LYPLAL1: variants seen among roughly 807,000 people sequenced by gnomAD.
LYPLAL1 encodes the protein lysophospholipase like 1.
LYPLAL1 carries 23 observed loss-of-function variants against 19.7 expected under a neutral mutation model. The ratio of observed to expected loss-of-function variants is 1.17; its 90% CI spans 0.84 to 1.65. The LOEUF is 1.65. Among genes scored for constraint, LYPLAL1 ranks in the 40% most tolerant of loss-of-function variants. The probability of loss-of-function intolerance (pLI) is 0.00; values close to 1 mark genes in which losing one functional copy is unlikely to be tolerated. For synonymous variants in LYPLAL1, 119 were observed against 96.3 expected (o/e 1.24, Z -1.38); for missense variants, 355 against 279.4 (o/e 1.27, Z -1.93).
the LYPLAL1 span, among the ~76,000 whole-genome samples, chr1:219,282,647 A>G: frequency 7.9e-5 from 12 of 152,290 alleles, no homozygotes; most frequent in African/African-American, 2.4e-4. Context: ...CTTAACAGCA[A>G]CTGAATCTTA....
chr1:219,268,719 A>G, the LYPLAL1 span, among the ~76,000 whole-genome samples: 1 of 152,240 alleles, frequency 6.6e-6, no homozygotes, highest in Non-Finnish European at 1.5e-5. Context: ...GTGTTTTTCT[A>G]CATTACTCTA....
At chr1:219,432,433 G>T in the LYPLAL1 span, among the ~76,000 whole-genome samples, 2 of 149,200 alleles carry the variant, frequency 1.3e-5, no homozygotes, top group Non-Finnish European at 3.0e-5. Flanking sequence ...TAGGATCCAG[G>T]TTCAGACTAG....
At chr1:219,381,854 AT>A in the LYPLAL1 span, among the ~76,000 whole-genome samples, 3 of 152,242 alleles carry the variant, frequency 2.0e-5, no homozygotes, top group Non-Finnish European at 2.9e-5. Flanking sequence ...GCCACAGTTC[AT>A]CAGGGAAAAG....
At chr1:219,187,146 T>C (rs929694724) in intron 2 of LYPLAL1, among the ~76,000 whole-genome samples, 3 of 151,702 alleles carry the variant, frequency 2.0e-5, no homozygotes, top group Admixed American at 1.3e-4. Flanking sequence ...AACAAGGTTA[T>C]AATTTTTGTT....
the LYPLAL1 span, among the ~76,000 whole-genome samples, chr1:219,355,071 A>G: frequency 6.6e-6 from 1 of 152,222 alleles, no homozygotes; most frequent in Admixed American, 6.5e-5. Context: ...CTAAAGATGC[A>G]TACTGTGAGC....
At chr1:219,323,787 T>C in the LYPLAL1 span, among the ~76,000 whole-genome samples, 1 of 152,206 alleles carries the variant, frequency 6.6e-6, no homozygotes, top group Non-Finnish European at 1.5e-5. Context: ...CTGCAGTTGC[T>C]TTAATCTCCC....
intron 3 of LYPLAL1, among the ~76,000 whole-genome samples, chr1:219,206,303 C>T (rs570441534): frequency 6.6e-6 from 1 of 151,966 alleles, no homozygotes. Context: ...TGCCAGCAAC[C>T]GTAAATACCC....
downstream of LYPLAL1, among the ~76,000 whole-genome samples, chr1:219,217,230 T>C (rs965955302): frequency 2.6e-5 from 4 of 152,192 alleles, no homozygotes. Context: ...GTCATAGATA[T>C]CATGCTTGTG....
At chr1:219,325,085 A>C in the LYPLAL1 span, among the ~76,000 whole-genome samples, 1 of 152,194 alleles carries the variant, frequency 6.6e-6, no homozygotes. Flanking sequence ...GGGCCAAATT[A>C]GAAAGTAAAT....
chr1:219,316,152 A>G, the LYPLAL1 span, among the ~76,000 whole-genome samples: 8,497 of 152,282 alleles, frequency 0.056, 327 homozygotes, highest in Non-Finnish European at 0.081. Context: ...GGTGTTTATC[A>G]TCAAAGATTA....
the LYPLAL1 span, among the ~76,000 whole-genome samples, chr1:219,345,979 G>A: frequency 6.6e-6 from 1 of 152,236 alleles, no homozygotes; most frequent in African/African-American, 2.4e-5. Context: ...CCCAGGGTCA[G>A]CAATGTTTGG....
At chr1:219,429,473 CTAAG>C in the LYPLAL1 span, among the ~76,000 whole-genome samples, 6 of 152,036 alleles carry the variant, frequency 3.9e-5, no homozygotes, top group African/African-American at 1.4e-4. Context: ...GCTTGGGCAA[CTAAG>C]TAAGACCCTG....
the LYPLAL1 span, among the ~76,000 whole-genome samples, chr1:219,320,331 C>T: frequency 3.3e-5 from 5 of 152,066 alleles, no homozygotes; most frequent in African/African-American, 4.8e-5. Context: ...CTCAGAATCC[C>T]CGAGAATCCA....
the LYPLAL1 span, among the ~76,000 whole-genome samples, chr1:219,308,560 C>G: frequency 6.6e-6 from 1 of 152,130 alleles, no homozygotes; most frequent in Admixed American, 6.5e-5. Context: ...AGTCTAGGGA[C>G]TTGGTGCCCT....
At chr1:219,391,629 G>A in the LYPLAL1 span, among the ~76,000 whole-genome samples, 281 of 151,402 alleles carry the variant, frequency 1.9e-3, 1 homozygote, top group African/African-American at 6.4e-3. Context: ...ATCTGATAAT[G>A]AGAGATTTGA....
chr1:219,359,220 C>A, the LYPLAL1 span, among the ~76,000 whole-genome samples: 30 of 152,232 alleles, frequency 2.0e-4, no homozygotes, highest in African/African-American at 6.7e-4. Context: ...AATGTTGCTG[C>A]GGGTGTCACA....
chr1:219,323,225 G>A, the LYPLAL1 span, among the ~76,000 whole-genome samples: 1 of 152,140 alleles, frequency 6.6e-6, no homozygotes. Flanking sequence ...GAAAGGTTAG[G>A]TCAGTTATGG....
chr1:219,418,465 G>A, the LYPLAL1 span, among the ~76,000 whole-genome samples: 1 of 152,158 alleles, frequency 6.6e-6, no homozygotes. Flanking sequence ...TGTGTTTAAA[G>A]ACTAAAAATT....
chr1:219,175,254 GA>G (rs1655718796), intron 1 of LYPLAL1, among the ~76,000 whole-genome samples: 1 of 152,136 alleles, frequency 6.6e-6, no homozygotes, highest in African/African-American at 2.4e-5. Context: ...GAAAAAGTTT[GA>G]ACTAGGATAT....
Sources: gnomAD v4.1 joint callset for allele counts (sites outside exome capture counted in the v4.1 genomes callset) on GRCh38, gnomAD v4.1.1 for gene constraint, MANE v1.5 for transcripts, NCBI Gene and HGNC (gene_info 2026-07-23, HGNC 2026-07-21) for gene names.